Variants in SFMBT2 observed in about 807,000 individuals in gnomAD.
SFMBT2 encodes the protein scm-like with four MBT domains protein 2.
In SFMBT2, 38 loss-of-function variants were observed where a neutral mutation model predicts 110.1. The ratio of observed to expected loss-of-function variants is 0.35; its 90% CI spans 0.27 to 0.45. SFMBT2 has a LOEUF of 0.45. Ranked by LOEUF, SFMBT2 falls within the 20% of genes least tolerant of loss-of-function variation. The pLI is 1.00. For synonymous variants in SFMBT2, 425 were observed against 425.4 expected (o/e 1.00, Z 0.01); for missense variants, 1,011 against 1,094.9 (o/e 0.92, Z 1.08).
intron 11 of SFMBT2, among the ~76,000 whole-genome samples, chr10:7,214,321 T>C (rs1234701501): frequency 6.6e-6 from 1 of 152,156 alleles, no homozygotes; most frequent in African/African-American, 2.4e-5. Context: ...CCCCTGTGGG[T>C]TGCTGTGTTG....
intron 14 of SFMBT2, chr10:7,197,948 G>C (rs1838831702): frequency 1.0e-6 from 1 of 973,806 alleles, no homozygotes; most frequent in African/African-American, 1.8e-5. Context: ...GAGAAAAACA[G>C]ATGATTTTCT....
At chr10:7,349,440 CTTTTTT>C (rs369479041) in intron 4 of SFMBT2, among the ~76,000 whole-genome samples, 17 of 46,888 alleles carry the variant, frequency 3.6e-4, no homozygotes, top group Admixed American at 2.1e-3. Context: ...CTTTTCTTTT[CTTTTTT>C]TTTTTTTTTT....
Position 7,171,917 on chromosome 10 carries a change from G to A in SFMBT2, c.2393C>T (p.Pro798Leu), listed in dbSNP as rs762958255. The change falls in exon 19 of 21, where the codon CCG becomes CTG. Residue 798 changes from proline to leucine, a missense_variant. Physicochemically the swap from Pro to Leu is moderately conservative, Grantham distance 98. This residue lies in a region of SFMBT2 where 979 missense variants were observed against 1,016.1 expected (regional missense o/e 0.96). Transcript: ENST00000397167. The surrounding 1 kb of genome is among the most constrained non-coding windows in gnomAD (Gnocchi z 4.9). ...CACCTCTGTCCCCTCGGGCTTGGTC[G>A]GCGGGCACTTCTCCCCTTCCTCTGC... The part of the protein sequence containing the change: ...SSAEEGEKCP[P>L]TKPEGTEDTK... 1.9e-5 allele frequency: 28 copies of A among 1,437,606 alleles called. No homozygotes were observed. The highest frequency in any genetic ancestry group is 8.7e-5 in the African/African-American group (6 of 68,688). 89.1% of individuals were successfully genotyped at this position (1,437,606 alleles called of 1,614,324 possible). A position where few individuals can be genotyped will look rare whatever the true frequency, so the allele number is the denominator to read the frequency against.
At chr10:7,168,514 T>C (rs907888240) in intron 20 of SFMBT2, among the ~76,000 whole-genome samples, 1 of 152,234 alleles carries the variant, frequency 6.6e-6, no homozygotes, top group Non-Finnish European at 1.5e-5. Context: ...CGGTGTATGT[T>C]GAATGCACAC....
At chr10:7,189,897 G>A (rs1378700915) in intron 15 of SFMBT2, among the ~76,000 whole-genome samples, 1 of 152,208 alleles carries the variant, frequency 6.6e-6, no homozygotes, top group Non-Finnish European at 1.5e-5. Flanking sequence ...ATAAATGGAA[G>A]GAGATGGGAG....
Position 7,159,103 on chromosome 10 carries a change from C to G in SFMBT2, c.*4667G>C, listed in dbSNP as rs1837485301. ...TCCTTTTTTCGTCAGCACATCGCTT[C>G]AGCCACACAAAAAGCACTGCTCTGC... On this transcript the variant is annotated 3_prime_UTR_variant, in exon 21 of 21. Transcript: ENST00000397167. 1 of 152,194 alleles carries G rather than the reference C, an allele frequency of 6.6e-6. No homozygotes were observed. The highest frequency in any genetic ancestry group is 1.9e-4 in the East Asian group (1 of 5,200). The allele number at this position is 152,194 out of a possible 1,614,324, so 9.4% of individuals were successfully genotyped here.
At chr10:7,223,352 G>A (rs533395527) in intron 10 of SFMBT2, among the ~76,000 whole-genome samples, 2 of 152,216 alleles carry the variant, frequency 1.3e-5, no homozygotes, top group South Asian at 2.1e-4. Flanking sequence ...GGTGTCTCAC[G>A]GTGGTGTTAG....
chr10:7,400,497 G>A (rs551036412), intron 1 of SFMBT2, among the ~76,000 whole-genome samples: 5 of 152,240 alleles, frequency 3.3e-5, no homozygotes, highest in Middle Eastern at 3.4e-3. Flanking sequence ...AGAAAAAAAC[G>A]CCAAATTACT....
At chr10:7,251,201 C>T (rs1385114962) in intron 7 of SFMBT2, among the ~76,000 whole-genome samples, 1 of 150,710 alleles carries the variant, frequency 6.6e-6, no homozygotes, top group African/African-American at 2.4e-5. Flanking sequence ...GTGGGCTGGA[C>T]GCAGTGGCTC....
At chr10:7,266,601 G>T (rs1286365083) in intron 7 of SFMBT2, among the ~76,000 whole-genome samples, 1 of 152,216 alleles carries the variant, frequency 6.6e-6, no homozygotes, top group African/African-American at 2.4e-5. Context: ...ATCCCGCCCT[G>T]ATGAGATGAC....
intron 4 of SFMBT2, among the ~76,000 whole-genome samples, chr10:7,304,698 CAG>C (rs1385677885): frequency 6.6e-6 from 1 of 152,156 alleles, no homozygotes. Flanking sequence ...TGCCGTCCAT[CAG>C]AGAGAGAAAT....
intron 4 of SFMBT2, among the ~76,000 whole-genome samples, chr10:7,359,135 C>T (rs1411422081): frequency 6.6e-6 from 1 of 152,228 alleles, no homozygotes; most frequent in African/African-American, 2.4e-5. Flanking sequence ...AGCCAGACAT[C>T]CTGCAGGCCG....
At chr10:7,356,411 T>C (rs922467224) in intron 4 of SFMBT2, among the ~76,000 whole-genome samples, 29 of 152,038 alleles carry the variant, frequency 1.9e-4, no homozygotes, top group African/African-American at 6.3e-4. Context: ...GTTGTTGTTG[T>C]TTTGTTTTGT....
At chr10:7,315,634 G>C (rs940414274) in intron 4 of SFMBT2, among the ~76,000 whole-genome samples, 1 of 152,162 alleles carries the variant, frequency 6.6e-6, no homozygotes, top group East Asian at 1.9e-4. Context: ...CCAACTCCTT[G>C]GAACAAATCT....
chr10:7,165,797 T>A (rs558223987), intron 20 of SFMBT2, among the ~76,000 whole-genome samples: 1 of 152,258 alleles, frequency 6.6e-6, no homozygotes, highest in Non-Finnish European at 1.5e-5. Context: ...TGCTCTATAG[T>A]GCTCATACAT....
chr10:7,238,390 G>A (rs75360981), intron 9 of SFMBT2, among the ~76,000 whole-genome samples: 2 of 151,988 alleles, frequency 1.3e-5, no homozygotes, highest in African/African-American at 4.8e-5. Flanking sequence ...TGAAAAACAC[G>A]AATCAAACAA....
chr10:7,403,004 T>G (rs1010711137), intron 1 of SFMBT2, among the ~76,000 whole-genome samples: 5 of 152,222 alleles, frequency 3.3e-5, no homozygotes, highest in African/African-American at 1.2e-4. Context: ...TTGAAACCAA[T>G]TATTTTCTAA....
chr10:7,240,458 T>C lies in SFMBT2; in HGVS notation c.1120+3100A>G, dbSNP rs1475284717. ...TTTTCCACTCTTTTGCTATTGTAAA[T>C]AATGCTGCAAAAAAAACAAACTTTT... On this transcript the variant is annotated intron_variant, in intron 9 of 20. Transcript: ENST00000397167. Among the ~76,000 whole-genome samples, 12 of 152,288 alleles carry C rather than the reference T, an allele frequency of 7.9e-5. No individual in the cohort carries two copies. The South Asian group carries it at 1.2e-3, about 16-fold the overall frequency.
Position 7,159,802 on chromosome 10 carries a change from T to C in SFMBT2, c.*3968A>G, listed in dbSNP as rs1837503161. On this transcript the variant is annotated 3_prime_UTR_variant, in exon 21 of 21. Coordinates refer to ENST00000397167, the MANE Select transcript of SFMBT2 (RefSeq NM_001387889.1). The stretch of plus-strand genomic sequence containing the variant: ...TACAGAAATAAATATAAATGGGTGT[T>C]CTATAAAATAAGTATGAAAACCCCT... The C allele has an allele frequency of 1.3e-5, 2 of 152,154 alleles. No individual in the cohort carries two copies. The highest frequency in any genetic ancestry group is 2.4e-5 in the African/African-American group (1 of 41,436). The allele number at this position is 152,154 out of a possible 1,614,324, so 9.4% of individuals were successfully genotyped here. A position where few individuals can be genotyped will look rare whatever the true frequency, so the allele number is the denominator to read the frequency against.
Sources: gnomAD v4.1 joint callset for allele counts (sites outside exome capture counted in the v4.1 genomes callset) on GRCh38, gnomAD v4.1.1 for gene constraint, gnomAD v4.1.1 regional missense constraint, Gnocchi (gnomAD v3.1) non-coding constraint, MANE v1.5 for transcripts, NCBI Gene and HGNC (gene_info 2026-07-23, HGNC 2026-07-21) for gene names.